The following ZPLD1 variants were observed in gnomAD, a reference collection of about 807,000 sequenced individuals.
ZPLD1 encodes the protein zona pellucida-like domain-containing protein 1.
Under a neutral mutation model 47.2 loss-of-function variants are expected in ZPLD1, and 34 were observed. The observed-to-expected ratio is 0.72, with a 90% confidence interval of 0.55 to 0.96. The LOEUF is 0.96. Among genes scored for constraint, ZPLD1 ranks in the 40% least tolerant of loss-of-function variants. The probability of loss-of-function intolerance (pLI) is 0.00; values close to 1 mark genes in which losing one functional copy is unlikely to be tolerated. For missense variants in ZPLD1, 512 were observed against 505.8 expected, an observed-to-expected ratio of 1.01 and a Z score of -0.12; for synonymous variants, 176 against 186.2, an observed-to-expected ratio of 0.95 and a Z score of 0.45.
At chr3:102,446,855 C>T (rs1707263153) in intron 3 of ZPLD1, among the ~76,000 whole-genome samples, 1 of 152,072 alleles carries the variant, frequency 6.6e-6, no homozygotes. Context: ...CAGTAAGCTC[C>T]TTGAAGAAAC....
At chr3:102,435,856 A>T (rs763229696) in intron 1 of ZPLD1, among the ~76,000 whole-genome samples, 5 of 151,976 alleles carry the variant, frequency 3.3e-5, no homozygotes, top group Non-Finnish European at 5.9e-5. Context: ...ATTAGCCAGG[A>T]TGATCTCGAT....
intron 7 of ZPLD1, among the ~76,000 whole-genome samples, chr3:102,393,302 T>A (rs1183245763): frequency 6.6e-6 from 1 of 152,144 alleles, no homozygotes; most frequent in African/African-American, 2.4e-5. Context: ...ATTACGTGTG[T>A]TCATTGTACC....
chr3:102,468,843 G>A (rs1707637514), intron 8 of ZPLD1, 121 bp from the exon 9 acceptor site: 4 of 865,340 alleles, frequency 4.6e-6, no homozygotes, highest in Non-Finnish European at 7.0e-6. Context: ...CTGTAACGTG[G>A]CATGGTTCTG....
intron 7 of ZPLD1, among the ~76,000 whole-genome samples, chr3:102,403,142 C>T (rs903831030): frequency 9.2e-5 from 14 of 151,876 alleles, no homozygotes; most frequent in Admixed American, 2.6e-4. Context: ...TTCACAAATA[C>T]GTTCATTCTG....
At chr3:102,446,645 T>A (rs750945380) in intron 3 of ZPLD1, among the ~76,000 whole-genome samples, 35 of 152,140 alleles carry the variant, frequency 2.3e-4, no homozygotes, top group Non-Finnish European at 4.1e-4. Context: ...ATCAGTGACA[T>A]CCCTTTTTCT....
chr3:102,471,133 G>A (rs1371194116), intron 10 of ZPLD1, among the ~76,000 whole-genome samples: 1 of 152,158 alleles, frequency 6.6e-6, no homozygotes, highest in East Asian at 1.9e-4. Flanking sequence ...CTGCCCTGCT[G>A]TCGCCCATGA....
chr3:102,397,535 A>G (rs960646713), intron 7 of ZPLD1, among the ~76,000 whole-genome samples: 2 of 152,116 alleles, frequency 1.3e-5, no homozygotes, highest in South Asian at 2.1e-4. Flanking sequence ...GGAAGTGAGT[A>G]GGAGAACTCT....
At chr3:102,419,240 C>A (rs1055912088) in intron 8 of ZPLD1, among the ~76,000 whole-genome samples, 19 of 151,992 alleles carry the variant, frequency 1.3e-4, no homozygotes, top group African/African-American at 4.1e-4. Context: ...ATTTTTCAGT[C>A]ACTAGCTTTC....
At chr3:102,436,556 C>A (rs1050520578) in intron 1 of ZPLD1, among the ~76,000 whole-genome samples, 2 of 152,154 alleles carry the variant, frequency 1.3e-5, no homozygotes, top group Non-Finnish European at 2.9e-5. Context: ...GTTCAACAAA[C>A]TTTACTATCA....
At chr3:102,421,239 C>G (rs1238582793) in intron 8 of ZPLD1, among the ~76,000 whole-genome samples, 1 of 151,840 alleles carries the variant, frequency 6.6e-6, no homozygotes, top group Non-Finnish European at 1.5e-5. Flanking sequence ...AACACACCAT[C>G]ATTACATGAC....
At chr3:102,420,257 G>A (rs1052235492) in intron 8 of ZPLD1, among the ~76,000 whole-genome samples, 3 of 151,832 alleles carry the variant, frequency 2.0e-5, no homozygotes, top group Non-Finnish European at 4.4e-5. Context: ...CTTTGTCAAG[G>A]CTTGCAGAAA....
At chr3:102,418,293 T>A (rs1435972934) in intron 8 of ZPLD1, 1 of 151,966 alleles carries the variant, frequency 6.6e-6, no homozygotes, top group East Asian at 1.9e-4. Context: ...AATTTAATAA[T>A]GTTTTCTTTT....
At chr3:102,391,801 G>C (rs987807522) in intron 6 of ZPLD1, among the ~76,000 whole-genome samples, 3 of 152,080 alleles carry the variant, frequency 2.0e-5, no homozygotes, top group Non-Finnish European at 4.4e-5. Flanking sequence ...GCTTTGTTAG[G>C]CAGCAAGGGA....
chr3:102,451,212 C>G (rs1180795498), intron 3 of ZPLD1, among the ~76,000 whole-genome samples: 2 of 152,108 alleles, frequency 1.3e-5, no homozygotes, highest in Non-Finnish European at 2.9e-5. Context: ...AATAAACACT[C>G]TAAAGAGATA....
At chr3:102,391,783 TTTGGAGTGCTTTG>T (rs1405819001) in intron 6 of ZPLD1, among the ~76,000 whole-genome samples, 1 of 151,930 alleles carries the variant, frequency 6.6e-6, no homozygotes, top group Non-Finnish European at 1.5e-5. Context: ...AGTTTCAAGG[TTTGGAGTGCTTTG>T]TTAGGCAGCA....
chr3:102,451,057 G>A (rs1404459271), intron 3 of ZPLD1, among the ~76,000 whole-genome samples: 1 of 151,938 alleles, frequency 6.6e-6, no homozygotes, highest in Non-Finnish European at 1.5e-5. Context: ...TTGCCTTTTG[G>A]CCATGAAAAA....
chr3:102,433,653 G>A (rs956573620), upstream of ZPLD1, among the ~76,000 whole-genome samples: 3 of 152,174 alleles, frequency 2.0e-5, no homozygotes, highest in Middle Eastern at 3.4e-3. Flanking sequence ...TCAGCCTCCC[G>A]AGTAACTGGG....
chr3:102,397,779 G>C (rs1014760913), intron 7 of ZPLD1, among the ~76,000 whole-genome samples: 1 of 151,998 alleles, frequency 6.6e-6, no homozygotes, highest in Non-Finnish European at 1.5e-5. Flanking sequence ...TGCAATTATC[G>C]CAGTTTATTA....
At chr3:102,460,125 A>G (rs988629331) in intron 6 of ZPLD1, among the ~76,000 whole-genome samples, 1 of 152,102 alleles carries the variant, frequency 6.6e-6, no homozygotes, top group Non-Finnish European at 1.5e-5. Context: ...TGAAATATTA[A>G]CATGTAGCTA....
Sources: gnomAD v4.1 joint callset for allele counts (sites outside exome capture counted in the v4.1 genomes callset) on GRCh38, gnomAD v4.1.1 for gene constraint, MANE v1.5 for transcripts, NCBI Gene and HGNC (gene_info 2026-07-23, HGNC 2026-07-21) for gene names.